Variants in MAGI2 observed in about 807,000 individuals in gnomAD.
MAGI2 encodes membrane-associated guanylate kinase, WW and PDZ domain-containing protein 2.
MAGI2 carries 35 observed loss-of-function variants against 133.3 expected under a neutral mutation model. The observed-to-expected ratio is 0.26, with a 90% CI of 0.20 to 0.35. MAGI2 has a LOEUF of 0.35. Ranked by LOEUF, MAGI2 falls within the 10% of genes least tolerant of loss-of-function variation. The pLI, the probability that MAGI2 is intolerant of heterozygous loss-of-function variation, is 1.00. For missense variants in MAGI2, 1,636 were observed against 1,863.4 expected (o/e 0.88, Z 2.25); for synonymous variants, 729 against 710.6 (o/e 1.03, Z -0.41).
At position 79,240,299 on chromosome 7, in the gene MAGI2, G is replaced by A. The variant is rs149429172; in HGVS notation, c.301+212721C>T. On this transcript the variant is annotated intron_variant, in intron 1 of 21. Coordinates refer to ENST00000354212, the MANE Select transcript of MAGI2 (RefSeq NM_012301.4). ...GTGAAGGACCAGAAGACAACAGAGC[G>A]ATAGTTTGGTTTGTTTGGAATGAAA... Among the ~76,000 whole-genome samples the A allele has an allele frequency of 4.8e-4, 72 of 150,510 alleles. No individual in the cohort carries two copies. The Middle Eastern group carries it at 0.021, about 43-fold the overall frequency.
chr7:79,251,146 T>C (rs1435810117), intron 1 of MAGI2, among the ~76,000 whole-genome samples: 1 of 152,052 alleles, frequency 6.6e-6, no homozygotes, highest in Non-Finnish European at 1.5e-5. Context: ...AGAGGAAACA[T>C]TGGGAAAACT....
intron 2 of MAGI2, among the ~76,000 whole-genome samples, chr7:78,727,311 TC>T (rs1820917066): frequency 6.6e-6 from 1 of 152,200 alleles, no homozygotes; most frequent in African/African-American, 2.4e-5. Flanking sequence ...TGAAACTGTG[TC>T]TTATGTTGCA....
intron 6 of MAGI2, among the ~76,000 whole-genome samples, chr7:78,395,149 T>G (rs1178148167): frequency 1.3e-5 from 2 of 152,168 alleles, no homozygotes; most frequent in African/African-American, 2.4e-5. Flanking sequence ...ACTTTAGAGT[T>G]TCATAGATAG....
In MAGI2 at chr7:78,258,127, T is replaced by C. The variant is rs533579388; in HGVS notation, c.1409-1546A>G. On this transcript the variant is annotated intron_variant, in intron 9 of 21. Coordinates refer to ENST00000354212, the MANE Select transcript of MAGI2 (RefSeq NM_012301.4). Reference sequence around the variant, plus strand: ...CTAGAAAATGTCACAACCTATGTGATTGGTCAGATGGAACTTCACTTTTCC... The same window carrying C: ...CTAGAAAATGTCACAACCTATGTGACTGGTCAGATGGAACTTCACTTTTCC... 4.6e-5 allele frequency among the ~76,000 whole-genome samples: 7 copies of C among 152,306 alleles called. No homozygotes were observed. In the East Asian group the frequency reaches 5.8e-4, roughly 13 times the overall value.
At chr7:79,250,726 C>A (rs1275618986) in intron 1 of MAGI2, among the ~76,000 whole-genome samples, 1 of 151,692 alleles carries the variant, frequency 6.6e-6, no homozygotes, top group Admixed American at 6.6e-5. Context: ...ACATTCCCTA[C>A]AGAAATAGGA....
intron 1 of MAGI2, among the ~76,000 whole-genome samples, chr7:79,045,350 G>T (rs376709972): frequency 2.6e-5 from 4 of 152,164 alleles, no homozygotes; most frequent in African/African-American, 9.6e-5. Context: ...TAAAATGAGT[G>T]CATTTTATTA....
chr7:78,305,459 T>C (rs1233610054), intron 9 of MAGI2, among the ~76,000 whole-genome samples: 1 of 152,206 alleles, frequency 6.6e-6, no homozygotes, highest in African/African-American at 2.4e-5. Flanking sequence ...AGGTGCTCAG[T>C]AAATAATGAA....
intron 3 of MAGI2, among the ~76,000 whole-genome samples, chr7:78,589,564 T>A (rs1230829118): frequency 6.6e-6 from 1 of 152,196 alleles, no homozygotes; most frequent in East Asian, 1.9e-4. Context: ...GAATCTGCTT[T>A]CCGACCCTAA....
chr7:78,740,910 G>T (rs1364073131), intron 2 of MAGI2, among the ~76,000 whole-genome samples: 3 of 152,126 alleles, frequency 2.0e-5, no homozygotes, highest in South Asian at 2.1e-4. Flanking sequence ...TTATTCTCAA[G>T]AACAGGCCTT....
chr7:78,653,484 GGGACAT>G (rs1811798094), intron 2 of MAGI2, among the ~76,000 whole-genome samples: 2 of 152,128 alleles, frequency 1.3e-5, no homozygotes, highest in South Asian at 4.1e-4. Context: ...GTCCTTTGCA[GGGACAT>G]GGATGAAGCT....
chr7:78,130,418 C>G (rs3823791), intron 18 of MAGI2, among the ~76,000 whole-genome samples: 1 of 151,836 alleles, frequency 6.6e-6, no homozygotes, highest in Non-Finnish European at 1.5e-5. Flanking sequence ...GCACTTCTTA[C>G]ACAAATGAAG....
rs140364258 is a variant in MAGI2, at chr7:79,376,816, T to TTGTG, written c.301+76200_301+76203dup. ...AGTGAAACCACAGATAAGAGAGGAT[T>TTGTG]TGTGTGTGTGTGTGTGTGTGTGTGG... On this transcript the variant is annotated intron_variant, in intron 1 of 21. Coordinates refer to ENST00000354212, the MANE Select transcript of MAGI2 (RefSeq NM_012301.4). Among the ~76,000 whole-genome samples, 70 of 79,952 alleles carry TTGTG rather than the reference T, an allele frequency of 8.8e-4. 1 individual carries two copies. The highest frequency in any genetic ancestry group is 6.5e-4 in the Non-Finnish European group (25 of 38,454). 52.5% of individuals were successfully genotyped at this position (79,952 alleles called of 152,430 possible).
chr7:78,407,225 G>A (rs1279905881), intron 6 of MAGI2, among the ~76,000 whole-genome samples: 2 of 152,004 alleles, frequency 1.3e-5, no homozygotes, highest in East Asian at 1.9e-4. Flanking sequence ...TTAGGGCCAA[G>A]TCAGATTTGG....
At chr7:79,059,244 T>C (rs1442599634) in intron 1 of MAGI2, among the ~76,000 whole-genome samples, 1 of 152,096 alleles carries the variant, frequency 6.6e-6, no homozygotes. Flanking sequence ...TTAATGATTT[T>C]TTAATATATG....
intron 2 of MAGI2, among the ~76,000 whole-genome samples, chr7:78,793,210 G>C (rs1787320554): frequency 6.6e-6 from 1 of 152,194 alleles, no homozygotes; most frequent in Admixed American, 6.5e-5. Context: ...GTAGAGGAGA[G>C]ACTCCAACTG....
In MAGI2 at chr7:78,715,394, G is replaced by C. The variant is rs534706583; in HGVS notation, c.419-88155C>G. On this transcript the variant is annotated intron_variant, in intron 2 of 21. Coordinates refer to ENST00000354212, the MANE Select transcript of MAGI2 (RefSeq NM_012301.4). ...ACCTGCAAGGAGGTATATTTTTAAA[G>C]TTTCCTTGGTTTTATCATTGTATAT... Among the ~76,000 whole-genome samples, 176 of 152,204 alleles carry C rather than the reference G, an allele frequency of 1.2e-3. 2 individuals carry two copies. Among genetic ancestry groups the C allele is most frequent in the African/African-American group, 3.9e-3 (163 of 41,538 alleles).
chr7:79,219,282 C>G (rs997660789), intron 1 of MAGI2, among the ~76,000 whole-genome samples: 8 of 151,744 alleles, frequency 5.3e-5, no homozygotes, highest in African/African-American at 1.9e-4. Context: ...CACAAAAAAC[C>G]CTAAATAAAG....
At chr7:79,250,196 G>A (rs886819291) in intron 1 of MAGI2, among the ~76,000 whole-genome samples, 1 of 151,900 alleles carries the variant, frequency 6.6e-6, no homozygotes, top group African/African-American at 2.4e-5. Context: ...TACTGAATGG[G>A]GAAAACCTGA....
chr7:78,320,333 A>G (rs904006804), intron 9 of MAGI2, among the ~76,000 whole-genome samples: 1 of 152,190 alleles, frequency 6.6e-6, no homozygotes, highest in Non-Finnish European at 1.5e-5. Flanking sequence ...AGGAAATTTC[A>G]GGCCAATATC....
Sources: gnomAD v4.1 joint callset for allele counts (sites outside exome capture counted in the v4.1 genomes callset) on GRCh38, gnomAD v4.1.1 for gene constraint, MANE v1.5 for transcripts, NCBI Gene and HGNC (gene_info 2026-07-23, HGNC 2026-07-21) for gene names.